Variants in CHD1 observed in about 807,000 individuals in gnomAD.
CHD1 encodes chromodomain helicase DNA binding protein 1, also known as ATP-dependent chromatin remodeler CHD1.
A neutral mutation model predicts 224.2 loss-of-function variants in CHD1; 36 were observed. The ratio of observed to expected loss-of-function variants is 0.16; its 90% CI spans 0.12 to 0.21. The LOEUF is 0.21. Among genes scored for constraint, CHD1 ranks in the 10% least tolerant of loss-of-function variants. CHD1 has a pLI of 1.00. For missense variants in CHD1, 1,378 were observed against 1,994.8 expected (o/e 0.69, Z 5.89); for synonymous variants, 668 against 658.3 (o/e 1.01, Z -0.23).
At position 98,868,623 on chromosome 5, in the gene CHD1, T is replaced by C. The variant is rs1445445418; in HGVS notation, c.4120A>G (p.Lys1374Glu). Residue 1374 changes from lysine (K) to glutamate (E), a missense_variant, in exon 31 of 36, where the codon AAG becomes GAG. This residue lies in a region of CHD1 where 105 missense variants were observed against 93.4 expected (regional missense o/e 1.12). Transcript: ENST00000614616. ...TTGGATCTTTCCCTACCATCAGACT[T>C]GGATTCACTCAACTAAAGAAAAAGT... is the stretch of plus-strand genomic sequence containing the variant. ...DEDDDKLSESKSDGRERSKKS... is the reference protein window; with the variant it reads ...DEDDDKLSESESDGRERSKKS... 3.2e-6 allele frequency: 5 copies of C among 1,580,704 alleles called. No individual in the cohort carries two copies. The highest frequency in any genetic ancestry group is 4.3e-6 in the Non-Finnish European group (5 of 1,166,668).
chr5:98,888,320 TATTTTAAATTGAG>T (rs1750787695), intron 16 of CHD1, 80 bp from the exon 17 acceptor site: 1 of 975,632 alleles, frequency 1.0e-6, no homozygotes, highest in Admixed American at 3.2e-5. Context: ...TTGCCTGAAT[TATTTTAAATTGAG>T]ATTTTAAATT....
intron 33 of CHD1, 66 bp from the exon 34 acceptor site, chr5:98,859,081 T>C (rs1748267674): frequency 8.2e-7 from 1 of 1,212,772 alleles, no homozygotes; most frequent in Non-Finnish European, 1.2e-6. Context: ...AAAGCACAGA[T>C]AATTCTTAGA....
rs907065712 is a variant in CHD1, at chr5:98,854,672, G to C, written c.*1708C>G. 1 of 151,640 alleles carries C rather than the reference G, an allele frequency of 6.6e-6. No individual in the cohort carries two copies. Among genetic ancestry groups the C allele is most frequent in the African/African-American group, 2.4e-5 (1 of 41,302 alleles). 9.4% of individuals were successfully genotyped at this position (151,640 alleles called of 1,614,324 possible). On this transcript the variant is annotated 3_prime_UTR_variant, in exon 36 of 36. Transcript: ENST00000614616. ...ATTACTGCAAAAAACAAAACAAAAA[G>C]CAAAAAAACCCACAAGCTTTTATAC...
rs1749655011 is a variant in CHD1, at chr5:98,875,128, T to C, written c.3399-15A>G. 6.8e-7 allele frequency: 1 copy of C among 1,476,350 alleles called. No homozygotes were observed. The highest frequency in any genetic ancestry group is 9.4e-7 in the Non-Finnish European group (1 of 1,065,084). The allele number at this position is 1,476,350 out of a possible 1,614,324, so 91.5% of individuals were successfully genotyped here. A position where few individuals can be genotyped will look rare whatever the true frequency, so the allele number is the denominator to read the frequency against. On this transcript the variant is annotated splice_polypyrimidine_tract_variant and intron_variant, in intron 24 of 35. Transcript: ENST00000614616. ...TCTTGATAAACCTAAGAGAAAATAA[T>C]TGTTTGGTAAATGTGAGCTTCAGTA...
chr5:98,888,915 C>A (rs1396711432), intron 16 of CHD1, among the ~76,000 whole-genome samples, 161 bp downstream of exon 16: 2 of 152,120 alleles, frequency 1.3e-5, no homozygotes, highest in Admixed American at 6.5e-5. Context: ...ATTTTAAAGT[C>A]TTTTCTACAA....
chr5:98,875,229 G>A (rs1379791616), intron 24 of CHD1, 116 bp from the exon 25 acceptor site: 12 of 588,970 alleles, frequency 2.0e-5, no homozygotes. Context: ...TCAAGGCACT[G>A]TTATCTAAGA....
At chr5:98,918,085 T>C (rs1178077893) in intron 2 of CHD1, among the ~76,000 whole-genome samples, 1 of 147,878 alleles carries the variant, frequency 6.8e-6, no homozygotes, top group African/African-American at 2.5e-5. Flanking sequence ...TGAGATGGAG[T>C]CTCGCTCTGT....
In CHD1 at chr5:98,855,400, A is replaced by G. The variant is rs945915792; in HGVS notation, c.*980T>C. The G allele has an allele frequency of 6.6e-6, 1 of 152,560 alleles. No homozygotes were observed. Among genetic ancestry groups the G allele is most frequent in the African/African-American group, 2.4e-5 (1 of 41,442 alleles). The allele number at this position is 152,560 out of a possible 1,614,324, so 9.5% of individuals were successfully genotyped here. A position where few individuals can be genotyped will look rare whatever the true frequency, so the allele number is the denominator to read the frequency against. ...AACTTTTGGCCGTTTTGGATTCTGA[A>G]AAGTGTTTATACACCTACCCTTTTA... On this transcript the variant is annotated 3_prime_UTR_variant, in exon 36 of 36. Coordinates refer to ENST00000614616, the MANE Select transcript of CHD1 (RefSeq NM_001270.4).
intron 13 of CHD1, among the ~76,000 whole-genome samples, chr5:98,893,935 T>C (rs1432566517): frequency 4.6e-5 from 7 of 152,128 alleles, no homozygotes; most frequent in Non-Finnish European, 7.4e-5. Flanking sequence ...CCTCTATTAA[T>C]GTCAATATGA....
At chr5:98,913,465 CCTAA>C (rs1752550437) in intron 2 of CHD1, among the ~76,000 whole-genome samples, 1 of 152,070 alleles carries the variant, frequency 6.6e-6, no homozygotes, top group Non-Finnish European at 1.5e-5. Context: ...AGAGCCAGAC[CCTAA>C]CTCTTAAAAA....
chr5:98,888,054 A>G, intron 17 of CHD1, 34 bp downstream of exon 17: 1 of 1,415,140 alleles, frequency 7.1e-7, no homozygotes, highest in Non-Finnish European at 9.6e-7. Context: ...GAATTAGATA[A>G]AATTTAAAAC....
Position 98,869,775 on chromosome 5 carries a change from C to T in CHD1, c.4086G>A (p.Lys1362=). The T allele has an allele frequency of 1.2e-6, 2 of 1,613,536 alleles. No homozygotes were observed. Among genetic ancestry groups the T allele is most frequent in the Non-Finnish European group, 1.7e-6 (2 of 1,179,644 alleles). The change falls in exon 30 of 36, where the codon AAG becomes AAA. Residue 1362 remains lysine (K), a synonymous_variant. Transcript: ENST00000614616. ...TTACTTTATCATCATCTTCATCAGA[C>T]TTCTCTGAAGGCAGAGGAGAAGAAT... ...KSDSSPLPSE[K]SDEDDDKLSE... is the part of the protein sequence containing the mutation.
intron 11 of CHD1, among the ~76,000 whole-genome samples, chr5:98,896,655 C>T (rs142697237): frequency 4.7e-4 from 71 of 151,366 alleles, no homozygotes; most frequent in African/African-American, 1.6e-3. Flanking sequence ...AGGAGATGAC[C>T]GTTTTGGGCC....
rs1444158114 is a variant in CHD1, at chr5:98,870,922, AT to A, written c.3862-120del. 9.9e-6 allele frequency: 5 copies of A among 503,344 alleles called. No individual in the cohort carries two copies. In the Admixed American group the frequency reaches 1.7e-4, roughly 17 times the overall value. 31.2% of individuals were successfully genotyped at this position (503,344 alleles called of 1,614,324 possible). On this transcript the variant is annotated intron_variant, in intron 28 of 35. Coordinates refer to ENST00000614616, the MANE Select transcript of CHD1 (RefSeq NM_001270.4). ...GTTCACCAACAAGTTTCAATTATTA[AT>A]ATTTGTAGGAATAAACTCAATGCAA...
chr5:98,899,735 GTAAT>G (rs1480632147), intron 7 of CHD1, 30 bp from the exon 8 acceptor site: 2 of 1,468,544 alleles, frequency 1.4e-6, no homozygotes, highest in African/African-American at 2.8e-5. Flanking sequence ...ATCCTTCCAT[GTAAT>G]TAATTCTGTT....
At chr5:98,879,070 A>G (rs1015789315) in intron 23 of CHD1, among the ~76,000 whole-genome samples, 4 of 152,080 alleles carry the variant, frequency 2.6e-5, no homozygotes, top group African/African-American at 4.8e-5. Context: ...CATCTCTACA[A>G]AAAGAATACA....
At chr5:98,922,673 A>G (rs1753179719) in intron 2 of CHD1, among the ~76,000 whole-genome samples, 1 of 152,340 alleles carries the variant, frequency 6.6e-6, no homozygotes, top group African/African-American at 2.4e-5. Flanking sequence ...CAACTTTAGA[A>G]ACAAAGTATA....
chr5:98,858,539 A>AT lies in CHD1; in HGVS notation c.4577-150dup, dbSNP rs1228448136. 1.9e-5 allele frequency: 12 copies of AT among 633,324 alleles called. No individual in the cohort carries two copies. In the Admixed American group the frequency reaches 3.4e-4, roughly 18 times the overall value. 39.2% of individuals were successfully genotyped at this position (633,324 alleles called of 1,614,324 possible). On this transcript the variant is annotated intron_variant, in intron 34 of 35. Transcript: ENST00000614616. ...CAGTTAAAGCATTTAGAAATGGTGT[A>AT]TAAAAGCAGTACTAAGGATTAATTA... is the stretch of plus-strand genomic sequence containing the variant.
At chr5:98,895,745 CAA>C (rs200185039) in intron 12 of CHD1, among the ~76,000 whole-genome samples, 1 of 116,312 alleles carries the variant, frequency 8.6e-6, no homozygotes. Context: ...AGAGTGAAAA[CAA>C]AAAAAAAAAA....
Sources: gnomAD v4.1 joint callset for allele counts (sites outside exome capture counted in the v4.1 genomes callset) on GRCh38, gnomAD v4.1.1 for gene constraint, gnomAD v4.1.1 regional missense constraint, MANE v1.5 for transcripts, NCBI Gene and HGNC (gene_info 2026-07-23, HGNC 2026-07-21) for gene names.